PIK3C2A: variants seen among roughly 807,000 people sequenced by gnomAD.
PIK3C2A encodes phosphatidylinositol 4-phosphate 3-kinase C2 domain-containing subunit alpha.
Under a neutral mutation model 204.5 loss-of-function variants are expected in PIK3C2A, and 97 were observed. That is an observed-to-expected ratio of 0.47 (90% confidence interval 0.40 to 0.56). PIK3C2A has a LOEUF of 0.56. PIK3C2A is among the 20% of genes least tolerant of loss of function. The pLI, the probability that PIK3C2A is intolerant of heterozygous loss-of-function variation, is 0.00. For synonymous variants in PIK3C2A, 653 were observed against 664.4 expected (o/e 0.98, Z 0.26); for missense variants, 1,735 against 1,969.2 (o/e 0.88, Z 2.25).
intron 1 of PIK3C2A, among the ~76,000 whole-genome samples, chr11:17,200,763 A>C (rs1005832578): frequency 2.0e-5 from 3 of 152,224 alleles, no homozygotes; most frequent in African/African-American, 4.8e-5. Flanking sequence ...TACACCTAAA[A>C]CAGATGAATT....
intron 5 of PIK3C2A, among the ~76,000 whole-genome samples, chr11:17,148,033 C>A (rs1850302891): frequency 6.6e-6 from 1 of 151,940 alleles, no homozygotes; most frequent in South Asian, 2.1e-4. Flanking sequence ...GCCTGACCAA[C>A]AGGCTGTATT....
At chr11:17,121,191 C>T (rs1254734488) in intron 15 of PIK3C2A, among the ~76,000 whole-genome samples, 1 of 152,058 alleles carries the variant, frequency 6.6e-6, no homozygotes, top group Non-Finnish European at 1.5e-5. Flanking sequence ...GATCATAGAT[C>T]ACTGCAGCCT....
intron 1 of PIK3C2A, among the ~76,000 whole-genome samples, chr11:17,187,168 G>C (rs776564069): frequency 6.6e-6 from 1 of 152,144 alleles, no homozygotes; most frequent in Non-Finnish European, 1.5e-5. Context: ...AGATTGCCCT[G>C]GGAGAATGTG....
chr11:17,201,949 A>T (rs914497796), intron 1 of PIK3C2A, among the ~76,000 whole-genome samples: 3 of 152,170 alleles, frequency 2.0e-5, no homozygotes, highest in Non-Finnish European at 4.4e-5. Context: ...TGCCATATGA[A>T]GAGATTCAAT....
intron 1 of PIK3C2A, chr11:17,193,953 G>A (rs1016585409): frequency 3.0e-6 from 1 of 328,932 alleles, no homozygotes; most frequent in Non-Finnish European, 5.5e-6. Context: ...CTCTCAAGGG[G>A]GTGGACCCCA....
intron 1 of PIK3C2A, among the ~76,000 whole-genome samples, chr11:17,174,690 G>A (rs1250998447): frequency 6.6e-6 from 1 of 151,776 alleles, no homozygotes; most frequent in African/African-American, 2.4e-5. Context: ...CCTGAGGTCA[G>A]GAGTTCAAGA....
chr11:17,143,986 A>G (rs979255077), intron 8 of PIK3C2A, among the ~76,000 whole-genome samples: 2 of 152,108 alleles, frequency 1.3e-5, no homozygotes, highest in African/African-American at 4.8e-5. Flanking sequence ...TGGTTTTGTT[A>G]ATTTTTTTTT....
At chr11:17,148,549 ATCAAT>A (rs1185034868) in intron 5 of PIK3C2A, 113 bp downstream of exon 5, 1 of 815,378 alleles carries the variant, frequency 1.2e-6, no homozygotes, top group African/African-American at 1.7e-5. Context: ...GATTCAATAA[ATCAAT>A]TCAATAGGAT....
chr11:17,144,664 G>A (rs1338577180), intron 8 of PIK3C2A, among the ~76,000 whole-genome samples: 1 of 152,034 alleles, frequency 6.6e-6, no homozygotes, highest in Non-Finnish European at 1.5e-5. Flanking sequence ...GATGGCCAAG[G>A]TGGGAGGATC....
chr11:17,182,710 G>A (rs1031668404), intron 1 of PIK3C2A, among the ~76,000 whole-genome samples: 5 of 152,072 alleles, frequency 3.3e-5, no homozygotes, highest in African/African-American at 1.2e-4. Context: ...CTCATTAAGA[G>A]ACATGGGGAA....
chr11:17,133,866 T>A (rs1590945982), intron 11 of PIK3C2A, among the ~76,000 whole-genome samples: 1 of 151,484 alleles, frequency 6.6e-6, no homozygotes, highest in Non-Finnish European at 1.5e-5. Context: ...AATCAGAGGT[T>A]GCAGTGAGCC....
In PIK3C2A at chr11:17,168,959, C is replaced by G; in HGVS notation, c.783G>C (p.Lys261Asn). 6.2e-7 allele frequency: 1 copy of G among 1,614,124 alleles called. No individual in the cohort carries two copies. Residue 261 changes from lysine (K) to asparagine (N), a missense_variant, in exon 2 of 33, where the codon AAG (lysine) becomes AAC (asparagine). Coordinates refer to ENST00000691414, the MANE Select transcript of PIK3C2A (RefSeq NM_002645.4). ...SKVSNLQVSPKSEDISKFDWL... is the reference protein window; with the variant it reads ...SKVSNLQVSPNSEDISKFDWL... The stretch of plus-strand genomic sequence containing the variant: ...AGTCAAATTTACTGATATCCTCAGA[C>G]TTTGGAGATACCTGTAGATTGCTGA...
At chr11:17,104,496 C>T (rs376037601) in intron 23 of PIK3C2A, among the ~76,000 whole-genome samples, 10 of 152,068 alleles carry the variant, frequency 6.6e-5, no homozygotes, top group Non-Finnish European at 7.4e-5. Context: ...GAGACTGAAG[C>T]GGGCGGATCA....
chr11:17,168,914 T>G lies in PIK3C2A; in HGVS notation c.828A>C (p.Leu276=). ...SKFDWLDLDP[L]SKPKVDNVEV... is the part of the protein sequence containing the mutation. ...CCACATTATCCACCTTAGGCTTACT[T>G]AGAGGATCCAAGTCTAACCAGTCAA... Residue 276 remains leucine (L), a synonymous_variant, in exon 2 of 33, where the codon CTA becomes CTC. Coordinates refer to ENST00000691414, the MANE Select transcript of PIK3C2A (RefSeq NM_002645.4). 6.2e-7 allele frequency: 1 copy of G among 1,614,112 alleles called. No homozygotes were observed. Among genetic ancestry groups the G allele is most frequent in the Non-Finnish European group, 8.5e-7 (1 of 1,179,980 alleles).
chr11:17,126,488 A>G (rs1158586441), intron 13 of PIK3C2A, among the ~76,000 whole-genome samples: 1 of 152,236 alleles, frequency 6.6e-6, no homozygotes, highest in Admixed American at 6.5e-5. Flanking sequence ...ATTAGGTCAT[A>G]TAAGATTGCA....
chr11:17,152,237 A>C (rs974367683), intron 3 of PIK3C2A, among the ~76,000 whole-genome samples: 1 of 152,186 alleles, frequency 6.6e-6, no homozygotes, highest in African/African-American at 2.4e-5. Context: ...ATCACAATTT[A>C]AGAAATGTTT....
Position 17,119,840 on chromosome 11 carries a change from A to G in PIK3C2A, c.2792T>C (p.Leu931Pro). ...TGGGTACAATGCAGGCCACTGGTGA[A>G]GCAATGAGTAAGTTTTGGCAAGATT... The part of the protein sequence containing the change: ...WVNLAKTYSL[L>P]HQWPALYPLI... The change falls in exon 16 of 33, where the codon CTT becomes CCT. Residue 931 changes from leucine (L) to proline (P), a missense_variant. By Grantham distance (98) the Leu-to-Pro change is moderately conservative. Transcript: ENST00000691414. 6.2e-7 allele frequency: 1 copy of G among 1,608,966 alleles called. No individual in the cohort carries two copies. Among genetic ancestry groups the G allele is most frequent in the Non-Finnish European group, 8.5e-7 (1 of 1,178,116 alleles).
chr11:17,171,263 G>A (rs955691953), intron 1 of PIK3C2A, among the ~76,000 whole-genome samples: 1 of 152,094 alleles, frequency 6.6e-6, no homozygotes, highest in Non-Finnish European at 1.5e-5. Flanking sequence ...TTGGGCATAA[G>A]CATTAAATAA....
chr11:17,129,570 C>A lies in PIK3C2A; in HGVS notation c.2232-103G>T, dbSNP rs1287118802. On this transcript the variant is annotated intron_variant, in intron 12 of 32. Coordinates refer to ENST00000691414, the MANE Select transcript of PIK3C2A (RefSeq NM_002645.4). Reference sequence around the variant, plus strand: ...ATTTTAGGTATTGTATTTAACCTTTCAAATAATCTTTATTTTGGTATTTTT... The same window carrying A: ...ATTTTAGGTATTGTATTTAACCTTTAAAATAATCTTTATTTTGGTATTTTT... The A allele has an allele frequency of 8.4e-6, 6 of 717,814 alleles. No homozygotes were observed. The Admixed American group carries it at 1.6e-4, about 19-fold the overall frequency. The allele number at this position is 717,814 out of a possible 1,614,324, so 44.5% of individuals were successfully genotyped here.
Sources: allele counts gnomAD v4.1 joint callset (sites outside exome capture counted in the v4.1 genomes callset), GRCh38; gene constraint gnomAD v4.1.1; transcripts MANE v1.5; gene names NCBI Gene and HGNC (gene_info 2026-07-23, HGNC 2026-07-21).